FAM81A: variants seen among roughly 807,000 people sequenced by gnomAD.
FAM81A encodes protein FAM81A.
A neutral mutation model predicts 46.7 loss-of-function variants in FAM81A; 19 were observed. That is an observed-to-expected ratio of 0.41 (90% CI 0.28 to 0.60). FAM81A has a LOEUF of 0.60. Ranked by LOEUF, FAM81A falls within the 20% of genes least tolerant of loss-of-function variation. The probability of loss-of-function intolerance (pLI) is 0.34; values close to 1 mark genes in which losing one functional copy is unlikely to be tolerated. For missense variants in FAM81A, 377 were observed against 453.5 expected (o/e 0.83, Z 1.53); for synonymous variants, 183 against 152.9 (o/e 1.20, Z -1.45).
At chr15:59,515,809 C>T (rs1200011652) in intron 7 of FAM81A, among the ~76,000 whole-genome samples, 1 of 152,052 alleles carries the variant, frequency 6.6e-6, no homozygotes, top group Non-Finnish European at 1.5e-5. Context: ...CAGTAAACCC[C>T]AGGATAATAG....
chr15:59,480,042 T>A (rs1211726087), intron 3 of FAM81A, among the ~76,000 whole-genome samples: 1 of 152,078 alleles, frequency 6.6e-6, no homozygotes, highest in African/African-American at 2.4e-5. Flanking sequence ...GGGAGAGGCA[T>A]GGCATGGTGG....
intron 2 of FAM81A, among the ~76,000 whole-genome samples, chr15:59,404,938 A>T (rs564381569): frequency 3.2e-4 from 48 of 152,242 alleles, no homozygotes; most frequent in African/African-American, 1.1e-3. Context: ...CCCTGCTTCC[A>T]TCTCACTCTG....
intron 1 of FAM81A, among the ~76,000 whole-genome samples, chr15:59,452,899 A>T (rs2081436348): frequency 6.6e-6 from 1 of 152,018 alleles, no homozygotes. Flanking sequence ...AGTAGCTGGG[A>T]CTGCAGGCAT....
chr15:59,473,631 G>T (rs141326194), intron 3 of FAM81A, among the ~76,000 whole-genome samples: 5 of 152,172 alleles, frequency 3.3e-5, no homozygotes, highest in Admixed American at 2.6e-4. Context: ...TTACGGGGGT[G>T]GGGGAAGACT....
At chr15:59,418,545 G>T (rs1348030291) in intron 2 of FAM81A, among the ~76,000 whole-genome samples, 1 of 152,190 alleles carries the variant, frequency 6.6e-6, no homozygotes, top group Admixed American at 6.5e-5. Flanking sequence ...TTATGAAGGT[G>T]TTTCCCAAGC....
At chr15:59,438,062 G>T (rs1214057433), upstream of FAM81A, 2 of 148,904 alleles carry the variant, frequency 1.3e-5, no homozygotes, top group East Asian at 3.9e-4. Flanking sequence ...CAACGCGCCC[G>T]GAAGCGGCTC....
At chr15:59,494,906 G>A (rs1474237093) in intron 4 of FAM81A, among the ~76,000 whole-genome samples, 1 of 152,128 alleles carries the variant, frequency 6.6e-6, no homozygotes, top group Non-Finnish European at 1.5e-5. Flanking sequence ...GAAGGGCAAA[G>A]GCAAGTTCTC....
chr15:59,449,707 G>C (rs1028249775), intron 1 of FAM81A, among the ~76,000 whole-genome samples: 5 of 135,650 alleles, frequency 3.7e-5, no homozygotes, highest in Non-Finnish European at 7.6e-5. Flanking sequence ...GCGTGAACCC[G>C]GGAAGCGGAG....
chr15:59,412,495 G>A (rs1202163629), intron 2 of FAM81A, among the ~76,000 whole-genome samples: 1 of 152,146 alleles, frequency 6.6e-6, no homozygotes, highest in African/African-American at 2.4e-5. Flanking sequence ...GGAGGCTGAG[G>A]CTGGTGGATC....
Position 59,460,038 on chromosome 15 carries a change from A to G in FAM81A, c.126A>G (p.Lys42=). Residue 42 remains lysine (K), a synonymous_variant, in exon 3 of 9, where the codon AAA becomes AAG. Coordinates refer to ENST00000288228, the MANE Select transcript of FAM81A (RefSeq NM_152450.3). The surrounding 1 kb of genome is among the most constrained non-coding windows in gnomAD (Gnocchi z 4.4). ...QLEDRILCHE[K]TTAALVEHAF... The stretch of plus-strand genomic sequence containing the variant: ...AAGACAGGATCCTCTGCCATGAGAA[A>G]ACCACCGCCGCCCTCGTAGAGCACG... 6.2e-7 allele frequency: 1 copy of G among 1,613,874 alleles called. No individual in the cohort carries two copies. Among genetic ancestry groups the G allele is most frequent in the Non-Finnish European group, 8.5e-7 (1 of 1,179,854 alleles).
intron 4 of FAM81A, among the ~76,000 whole-genome samples, chr15:59,492,982 C>G (rs1331794102): frequency 1.3e-5 from 2 of 152,182 alleles, no homozygotes; most frequent in Admixed American, 6.5e-5. Flanking sequence ...GTCCGGGAAG[C>G]ACTGTACCAG....
chr15:59,483,402 T>G (rs1234940225), intron 3 of FAM81A, among the ~76,000 whole-genome samples: 1 of 152,158 alleles, frequency 6.6e-6, no homozygotes, highest in Non-Finnish European at 1.5e-5. Flanking sequence ...CACAGAATAT[T>G]TACATTCCTA....
chr15:59,501,047 A>G (rs915313674), intron 4 of FAM81A, among the ~76,000 whole-genome samples: 1 of 152,124 alleles, frequency 6.6e-6, no homozygotes, highest in Admixed American at 6.6e-5. Context: ...CCGCCTGAGT[A>G]TAGTTCACAT....
chr15:59,496,893 A>G (rs1404369118), intron 4 of FAM81A, among the ~76,000 whole-genome samples: 1 of 152,146 alleles, frequency 6.6e-6, no homozygotes, highest in Non-Finnish European at 1.5e-5. Context: ...TGGGAGGCCA[A>G]GGCGGGTGGA....
At chr15:59,482,102 T>C (rs1319276032) in intron 3 of FAM81A, among the ~76,000 whole-genome samples, 2 of 152,150 alleles carry the variant, frequency 1.3e-5, no homozygotes, top group African/African-American at 4.8e-5. Flanking sequence ...GTATGATTTG[T>C]ACTTCTTATT....
chr15:59,521,034 G>A (rs1236018555), intron 8 of FAM81A, among the ~76,000 whole-genome samples: 1 of 152,162 alleles, frequency 6.6e-6, no homozygotes, highest in African/African-American at 2.4e-5. Flanking sequence ...GTATATGACA[G>A]TCTTCTCCAT....
At chr15:59,462,404 G>T (rs527994115) in intron 3 of FAM81A, among the ~76,000 whole-genome samples, 1 of 152,010 alleles carries the variant, frequency 6.6e-6, no homozygotes, top group African/African-American at 2.4e-5. Flanking sequence ...AATGACTAAT[G>T]ATCTTGAACA....
chr15:59,400,179 C>A (rs766331228), intron 1 of FAM81A, among the ~76,000 whole-genome samples: 3 of 152,022 alleles, frequency 2.0e-5, no homozygotes, highest in African/African-American at 2.4e-5. Context: ...CATGCTCTTG[C>A]CCCCCAATTC....
At chr15:59,514,562 C>A in intron 7 of FAM81A, 138 bp downstream of exon 7, 1 of 1,103,018 alleles carries the variant, frequency 9.1e-7, no homozygotes, top group Non-Finnish European at 1.3e-6. Flanking sequence ...TCCATAGTTC[C>A]ATATTGATGC....
Sources: allele counts gnomAD v4.1 joint callset (sites outside exome capture counted in the v4.1 genomes callset), GRCh38; gene constraint gnomAD v4.1.1; non-coding constraint Gnocchi (gnomAD v3.1); transcripts MANE v1.5; gene names NCBI Gene and HGNC (gene_info 2026-07-23, HGNC 2026-07-21).